Variants in NRG2 observed in about 807,000 individuals in gnomAD.
The protein encoded by NRG2 is pro-neuregulin-2, membrane-bound isoform.
NRG2 carries 27 observed loss-of-function variants against 73.9 expected under a neutral mutation model. The observed-to-expected ratio is 0.37, with a 90% confidence interval of 0.27 to 0.50. NRG2 has a LOEUF of 0.50. NRG2 is among the 20% of genes least tolerant of loss of function. NRG2 has a pLI of 0.96. For synonymous variants in NRG2, 532 were observed against 541.0 expected, an observed-to-expected ratio of 0.98 and a Z score of 0.23; for missense variants, 1,126 against 1,210.1, an observed-to-expected ratio of 0.93 and a Z score of 1.03.
intron 1 of NRG2, among the ~76,000 whole-genome samples, chr5:139,972,714 ACT>A (rs1403606467): frequency 6.6e-6 from 1 of 152,228 alleles, no homozygotes. Context: ...ACAGAGCGAG[ACT>A]CTGTCTCCAA....
chr5:139,892,979 C>T (rs931471367), intron 1 of NRG2, among the ~76,000 whole-genome samples: 3 of 152,086 alleles, frequency 2.0e-5, no homozygotes, highest in South Asian at 2.1e-4. Context: ...ACCCCTACTC[C>T]GCAAAGAGTT....
intron 1 of NRG2, among the ~76,000 whole-genome samples, chr5:140,038,214 T>G (rs1180899733): frequency 6.6e-6 from 1 of 152,214 alleles, no homozygotes; most frequent in Non-Finnish European, 1.5e-5. Context: ...GCACACTTGC[T>G]TTGATTAGGG....
chr5:139,852,544 C>T lies in NRG2; in HGVS notation c.1432G>A (p.Val478Met), dbSNP rs369538539. 6 of 1,613,854 alleles carry T rather than the reference C, an allele frequency of 3.7e-6. No individual in the cohort carries two copies. The highest frequency in any genetic ancestry group is 3.4e-6 in the Non-Finnish European group (4 of 1,179,898). ...IQMADYISKN[V>M]PATDHVIRRE... ...CTGATGACATGGTCTGTGGCTGGCACGTTCTTGGAAATATACTGGAACAGA... is the reference window on the plus strand; with the variant it reads ...CTGATGACATGGTCTGTGGCTGGCATGTTCTTGGAAATATACTGGAACAGA... Residue 478 changes from valine to methionine, a missense_variant, in exon 8 of 10, where the codon GTG (valine) becomes ATG (methionine). Coordinates refer to ENST00000361474, the MANE Select transcript of NRG2 (RefSeq NM_004883.3). The surrounding 1 kb of genome is among the most constrained non-coding windows in gnomAD (Gnocchi z 4.4).
intron 1 of NRG2, among the ~76,000 whole-genome samples, chr5:139,991,348 G>A (rs955340270): frequency 4.1e-4 from 63 of 151,950 alleles, no homozygotes; most frequent in African/African-American, 1.4e-3. Context: ...ATATTTTTGT[G>A]TCTTGTTTAA....
chr5:140,040,818 C>T (rs541467135), intron 1 of NRG2, among the ~76,000 whole-genome samples: 2 of 152,306 alleles, frequency 1.3e-5, no homozygotes, highest in East Asian at 3.9e-4. Flanking sequence ...CTGGTCTCTA[C>T]TTGTCTTTAT....
chr5:139,964,003 A>C (rs1053395913), intron 1 of NRG2, among the ~76,000 whole-genome samples: 16 of 152,152 alleles, frequency 1.1e-4, no homozygotes, highest in African/African-American at 3.6e-4. Flanking sequence ...GAGAAAAAAA[A>C]GGGGGCTCTG....
intron 1 of NRG2, among the ~76,000 whole-genome samples, chr5:140,011,696 G>C (rs1759379078): frequency 6.6e-6 from 1 of 152,214 alleles, no homozygotes; most frequent in Admixed American, 6.5e-5. Flanking sequence ...TGTTGAGCCT[G>C]AGATGACTGC....
chr5:139,881,042 C>T, intron 2 of NRG2, 68 bp from the exon 3 acceptor site: 1 of 1,343,946 alleles, frequency 7.4e-7, no homozygotes. Context: ...CCAGCAGTCA[C>T]CCAGCGGTTG....
chr5:139,995,980 C>T (rs569319252), intron 1 of NRG2, among the ~76,000 whole-genome samples: 2 of 152,202 alleles, frequency 1.3e-5, no homozygotes, highest in East Asian at 3.9e-4. Context: ...CACACAACTG[C>T]ACTCCAGCCT....
chr5:139,965,309 C>T (rs1456174113), intron 1 of NRG2, among the ~76,000 whole-genome samples: 1 of 152,168 alleles, frequency 6.6e-6, no homozygotes, highest in South Asian at 2.1e-4. Context: ...AGGGACACCC[C>T]GACTCTCTCA....
At chr5:139,920,229 G>A (rs1005329052) in intron 1 of NRG2, among the ~76,000 whole-genome samples, 2 of 152,244 alleles carry the variant, frequency 1.3e-5, no homozygotes, top group Non-Finnish European at 2.9e-5. Flanking sequence ...ATAGGTTAAG[G>A]AGAGTTTCTG....
intron 1 of NRG2, among the ~76,000 whole-genome samples, chr5:140,039,620 G>C (rs1761764248): frequency 6.6e-6 from 1 of 152,132 alleles, no homozygotes; most frequent in African/African-American, 2.4e-5. Flanking sequence ...AAGAGGTCCA[G>C]TGTGACCTCC....
rs978807579 is a variant in NRG2 at position 139,858,402 on chromosome 5, G to A, written c.1190-2624C>T. 3.3e-5 allele frequency among the ~76,000 whole-genome samples: 5 copies of A among 152,182 alleles called. No individual in the cohort carries two copies. In the East Asian group the frequency reaches 5.8e-4, roughly 18 times the overall value. On this transcript the variant is annotated intron_variant, in intron 5 of 9. Transcript: ENST00000361474. ...CAGATAAATCTTCCCTGACCACTTCGCTACACTAGCACCCCACTCCAGCCA... is the reference window on the plus strand; with the variant it reads ...CAGATAAATCTTCCCTGACCACTTCACTACACTAGCACCCCACTCCAGCCA...
intron 1 of NRG2, among the ~76,000 whole-genome samples, chr5:139,927,915 C>G (rs1025241936): frequency 2.0e-5 from 3 of 152,086 alleles, no homozygotes; most frequent in Non-Finnish European, 4.4e-5. Context: ...CACCAGTTCA[C>G]AACTTTATCT....
chr5:139,975,682 A>G (rs989204472), intron 1 of NRG2, among the ~76,000 whole-genome samples: 3 of 152,132 alleles, frequency 2.0e-5, no homozygotes, highest in African/African-American at 4.8e-5. Context: ...CTGGGCTGAG[A>G]CTGTCTTGCC....
At chr5:139,888,408 C>A (rs180886424) in intron 1 of NRG2, among the ~76,000 whole-genome samples, 3 of 152,174 alleles carry the variant, frequency 2.0e-5, no homozygotes, top group Non-Finnish European at 4.4e-5. Context: ...AGATTTGCCA[C>A]GTGTTAGGCT....
intron 1 of NRG2, among the ~76,000 whole-genome samples, chr5:139,962,529 AAG>A (rs1223096152): frequency 6.6e-6 from 1 of 152,250 alleles, no homozygotes; most frequent in Non-Finnish European, 1.5e-5. Flanking sequence ...GGGGTAAATG[AAG>A]AGTGGCCCCA....
intron 1 of NRG2, among the ~76,000 whole-genome samples, chr5:139,943,444 G>A (rs547746442): frequency 9.5e-4 from 145 of 152,226 alleles, no homozygotes; most frequent in African/African-American, 2.9e-3. Flanking sequence ...CACCATGCCC[G>A]GCCCCACTTT....
At chr5:139,986,900 C>A (rs1274505476) in intron 1 of NRG2, among the ~76,000 whole-genome samples, 3 of 152,122 alleles carry the variant, frequency 2.0e-5, no homozygotes, top group Admixed American at 6.5e-5. Flanking sequence ...TTAATTAATT[C>A]TTTTATATGC....
Sources: gnomAD v4.1 joint callset for allele counts (sites outside exome capture counted in the v4.1 genomes callset) on GRCh38, gnomAD v4.1.1 for gene constraint, Gnocchi (gnomAD v3.1) non-coding constraint, MANE v1.5 for transcripts, NCBI Gene and HGNC (gene_info 2026-07-23, HGNC 2026-07-21) for gene names.